FBXL7: variants seen among roughly 807,000 people sequenced by gnomAD.
FBXL7 encodes the protein F-box/LRR-repeat protein 7.
FBXL7 carries 12 observed loss-of-function variants against 38.3 expected under a neutral mutation model. That is an observed-to-expected ratio of 0.31 (90% CI 0.20 to 0.51). FBXL7 has a LOEUF of 0.51. Among genes scored for constraint, FBXL7 ranks in the 20% least tolerant of loss-of-function variants. The pLI, the probability that FBXL7 is intolerant of heterozygous loss-of-function variation, is 0.98. For missense variants in FBXL7, 567 were observed against 676.4 expected (o/e 0.84, Z 1.79); for synonymous variants, 297 against 300.9 (o/e 0.99, Z 0.13).
intron 2 of FBXL7, among the ~76,000 whole-genome samples, chr5:15,648,278 C>T (rs188071823): frequency 3.9e-5 from 6 of 152,128 alleles, no homozygotes; most frequent in Admixed American, 3.9e-4. Flanking sequence ...AACCTTATGC[C>T]TCATTTTTAA....
chr5:15,586,144 G>T (rs574393820), intron 1 of FBXL7, among the ~76,000 whole-genome samples: 1 of 152,218 alleles, frequency 6.6e-6, no homozygotes, highest in Admixed American at 6.5e-5. Flanking sequence ...AGAATCTGGG[G>T]GGTATTAAGA....
At chr5:15,828,773 T>C (rs1020323514) in intron 2 of FBXL7, among the ~76,000 whole-genome samples, 1 of 152,296 alleles carries the variant, frequency 6.6e-6, no homozygotes, top group South Asian at 2.1e-4. Context: ...TGAACAGAAT[T>C]TGGTAGAAAT....
At chr5:15,839,841 C>A (rs1340700518) in intron 2 of FBXL7, among the ~76,000 whole-genome samples, 1 of 152,134 alleles carries the variant, frequency 6.6e-6, no homozygotes, top group Non-Finnish European at 1.5e-5. Context: ...CCAAGCCCCC[C>A]ACTTTTGGAA....
At chr5:15,748,043 G>C (rs1401254046) in intron 2 of FBXL7, among the ~76,000 whole-genome samples, 1 of 141,822 alleles carries the variant, frequency 7.1e-6, no homozygotes, top group Admixed American at 7.2e-5. Flanking sequence ...TTGCTCCCCA[G>C]GGAACACCTG....
In FBXL7 at chr5:15,937,972, CT is replaced by C. The variant is rs1742247163; in HGVS notation, c.*788del. 6.6e-6 allele frequency: 1 copy of C among 152,296 alleles called. No individual in the cohort carries two copies. The highest frequency in any genetic ancestry group is 2.4e-5 in the African/African-American group (1 of 41,444). The allele number at this position is 152,296 out of a possible 1,614,324, so 9.4% of individuals were successfully genotyped here. On this transcript the variant is annotated 3_prime_UTR_variant, in exon 4 of 4. Coordinates refer to ENST00000504595, the MANE Select transcript of FBXL7 (RefSeq NM_012304.5). ...GCATAGAGCACCCAGGCATCGACCT[CT>C]TCCAGGAGAACTGATTCTGTGGATG...
intron 2 of FBXL7, among the ~76,000 whole-genome samples, chr5:15,723,569 A>G (rs1283266615): frequency 6.6e-6 from 1 of 152,252 alleles, no homozygotes; most frequent in Non-Finnish European, 1.5e-5. Context: ...AAAGATAGGC[A>G]GTAATACGCA....
At chr5:15,790,661 A>G (rs1211992894) in intron 2 of FBXL7, among the ~76,000 whole-genome samples, 1 of 152,174 alleles carries the variant, frequency 6.6e-6, no homozygotes, top group Non-Finnish European at 1.5e-5. Context: ...CCTTTTAAAA[A>G]CAATGTAGTT....
chr5:15,714,310 T>G (rs1211503319), intron 2 of FBXL7, among the ~76,000 whole-genome samples: 1 of 152,162 alleles, frequency 6.6e-6, no homozygotes, highest in Non-Finnish European at 1.5e-5. Context: ...TCTCTGGCCA[T>G]GTAAGATGTG....
chr5:15,640,669 G>A (rs915932312), intron 2 of FBXL7, among the ~76,000 whole-genome samples: 2 of 151,924 alleles, frequency 1.3e-5, no homozygotes, highest in Non-Finnish European at 2.9e-5. Context: ...GATTACAGGT[G>A]CGTGCCACCA....
chr5:15,681,902 G>T (rs1011172860), intron 2 of FBXL7, among the ~76,000 whole-genome samples: 1 of 152,130 alleles, frequency 6.6e-6, no homozygotes, highest in Admixed American at 6.5e-5. Context: ...ACCTAGGCAG[G>T]ATGACTTTTT....
chr5:15,748,078 T>C (rs1736061040), intron 2 of FBXL7, among the ~76,000 whole-genome samples: 1 of 66,248 alleles, frequency 1.5e-5, no homozygotes, highest in Non-Finnish European at 4.4e-5. Context: ...AATTCTGATA[T>C]AACTGGAGTG....
chr5:15,861,676 G>T (rs1007286251), intron 2 of FBXL7, among the ~76,000 whole-genome samples: 1 of 152,322 alleles, frequency 6.6e-6, no homozygotes, highest in South Asian at 2.1e-4. Flanking sequence ...AGAAGAGAGA[G>T]AGCTGGTAGC....
chr5:15,923,596 T>A (rs543553628), intron 2 of FBXL7, among the ~76,000 whole-genome samples: 1 of 152,328 alleles, frequency 6.6e-6, no homozygotes, highest in African/African-American at 2.4e-5. Context: ...TTGTGACAAC[T>A]TCTAGGTATG....
At position 15,928,102 on chromosome 5, in the gene FBXL7, A is replaced by C. The variant is rs746745451; in HGVS notation, c.340A>C (p.Ile114Leu). ...ASRPQKEQASIDRLPDHSMVQ... is the reference protein window; with the variant it reads ...ASRPQKEQASLDRLPDHSMVQ... ...CAGACCCCAGAAGGAGCAGGCCAGCATAGACCGGCTCCCGGACCACTCCAT... is the reference window on the plus strand; with the variant it reads ...CAGACCCCAGAAGGAGCAGGCCAGCCTAGACCGGCTCCCGGACCACTCCAT... The change falls in exon 3 of 4, where the codon ATA becomes CTA. Residue 114 changes from isoleucine (I) to leucine (L), a missense_variant. Transcript: ENST00000504595. The surrounding 1 kb of genome is among the most constrained non-coding windows in gnomAD (Gnocchi z 4.0). The C allele has an allele frequency of 2.8e-5, 44 of 1,571,982 alleles. No homozygotes were observed. Among genetic ancestry groups the C allele is most frequent in the Non-Finnish European group, 3.2e-5 (37 of 1,156,752 alleles).
chr5:15,917,649 GGAAGGAAGGAAGGAA>G (rs1561187523), intron 2 of FBXL7, among the ~76,000 whole-genome samples: 32 of 127,904 alleles, frequency 2.5e-4, no homozygotes, highest in East Asian at 2.0e-3. Context: ...AGGGAGGGAA[GGAAGGAAGGAAGGAA>G]GGAAGGAAGG....
In FBXL7 at chr5:15,912,448, C is replaced by T. The variant is rs369186381; in HGVS notation, c.128-15442C>T. On this transcript the variant is annotated intron_variant, in intron 2 of 3. Transcript: ENST00000504595. ...CTGGCACTCCCTAGTGAGATGAACC[C>T]GGTACCTCAGATGGAAATGCAGAAA... Among the ~76,000 whole-genome samples the T allele has an allele frequency of 3.4e-5, 5 of 146,934 alleles. 1 individual carries two copies. Among genetic ancestry groups the T allele is most frequent in the African/African-American group, 5.2e-5 (2 of 38,242 alleles).
At position 15,686,943 on chromosome 5, in the gene FBXL7, A is replaced by C. The variant is rs545139174; in HGVS notation, c.127+70871A>C. 2.6e-5 allele frequency among the ~76,000 whole-genome samples: 4 copies of C among 152,332 alleles called. No individual in the cohort carries two copies. The South Asian group carries it at 8.3e-4, about 32-fold the overall frequency. On this transcript the variant is annotated intron_variant, in intron 2 of 3. Transcript: ENST00000504595. ...TTAGAATTAAGTGAAGACAATCTCT[A>C]TCTGGGCCAGAGAAATTCTAGAACC...
intron 2 of FBXL7, among the ~76,000 whole-genome samples, chr5:15,922,697 T>C (rs1741775244): frequency 6.6e-6 from 1 of 152,194 alleles, no homozygotes; most frequent in Non-Finnish European, 1.5e-5. Context: ...CCTGGCAGTG[T>C]TGTAGCATTC....
intron 1 of FBXL7, among the ~76,000 whole-genome samples, chr5:15,559,442 G>A (rs10520817): frequency 0.14 from 21,394 of 152,088 alleles, 1,584 homozygotes; most frequent in South Asian, 0.24. Context: ...GTCCCTGAAC[G>A]TGTAGTATAA....
Sources: allele counts gnomAD v4.1 joint callset (sites outside exome capture counted in the v4.1 genomes callset), GRCh38; gene constraint gnomAD v4.1.1; non-coding constraint Gnocchi (gnomAD v3.1); transcripts MANE v1.5; gene names NCBI Gene and HGNC (gene_info 2026-07-23, HGNC 2026-07-21).